Variants in SHQ1 observed in about 807,000 individuals in gnomAD.
SHQ1 encodes protein SHQ1 homolog.
A neutral mutation model predicts 53.8 loss-of-function variants in SHQ1; 49 were observed. The observed-to-expected ratio is 0.91, with a 90% confidence interval of 0.72 to 1.16. The LOEUF (loss-of-function observed/expected upper bound fraction) is 1.16, where lower values mean the gene tolerates loss of function less well. SHQ1 is among the 50% of genes most tolerant of loss of function. SHQ1 has a pLI of 0.00. For missense variants in SHQ1, 738 were observed against 683.1 expected (o/e 1.08, Z -0.90); for synonymous variants, 243 against 251.0 (o/e 0.97, Z 0.30).
intron 6 of SHQ1, among the ~76,000 whole-genome samples, chr3:72,817,724 T>C (rs1347397384): frequency 6.6e-6 from 1 of 152,162 alleles, no homozygotes. Context: ...CAACAGAAAG[T>C]GCTAAATAAA....
In SHQ1 at chr3:72,825,149, G is replaced by A. The variant is rs144320312; in HGVS notation, c.600-598C>T. ...GTACATAGAAGACTGGTCCTACCCT[G>A]AAGTCCCATCCCATATTCGATGATG... On this transcript the variant is annotated intron_variant, in intron 5 of 10. Transcript: ENST00000325599. Among the ~76,000 whole-genome samples, 18 of 152,106 alleles carry A rather than the reference G, an allele frequency of 1.2e-4. 1 individual carries two copies. The highest frequency in any genetic ancestry group is 3.3e-4 in the Admixed American group (5 of 15,272).
At chr3:72,777,141 A>G (rs1004460261) in intron 10 of SHQ1, among the ~76,000 whole-genome samples, 1 of 152,222 alleles carries the variant, frequency 6.6e-6, no homozygotes, top group Admixed American at 6.6e-5. Flanking sequence ...TAACATCCAA[A>G]TCATAAAAAC....
the SHQ1 span, among the ~76,000 whole-genome samples, chr3:72,739,838 T>A: frequency 2.6e-5 from 4 of 152,172 alleles, no homozygotes; most frequent in African/African-American, 4.8e-5. Context: ...AGCCCCACAG[T>A]GCAGTGTAAG....
At chr3:72,810,420 C>T (rs1464812846) in intron 9 of SHQ1, among the ~76,000 whole-genome samples, 2 of 152,172 alleles carry the variant, frequency 1.3e-5, no homozygotes, top group Non-Finnish European at 2.9e-5. Context: ...TCTTTGAAAA[C>T]TCAGATCTTA....
intron 10 of SHQ1, among the ~76,000 whole-genome samples, chr3:72,785,692 T>C (rs1706210810): frequency 6.6e-6 from 1 of 152,154 alleles, no homozygotes. Context: ...AACAAGAAAA[T>C]TTGTTCACCA....
Position 72,768,244 on chromosome 3 carries a change from A to T in SHQ1, c.1182-17408T>A, listed in dbSNP as rs536756809. 2.6e-5 allele frequency among the ~76,000 whole-genome samples: 4 copies of T among 152,320 alleles called. No individual in the cohort carries two copies. In the East Asian group the frequency reaches 5.8e-4, roughly 22 times the overall value. ...TCGCTGACCCTGCTGCAGGCAGAGA[A>T]GAGCTGCCTCTGCTAGCTTTGATTT... On this transcript the variant is annotated intron_variant, in intron 10 of 10. Transcript: ENST00000325599.
intron 7 of SHQ1, among the ~76,000 whole-genome samples, chr3:72,816,121 G>A (rs1707308996): frequency 6.6e-6 from 1 of 152,010 alleles, no homozygotes; most frequent in Non-Finnish European, 1.5e-5. Context: ...AATGTCAAGA[G>A]GCACCCTAGA....
At chr3:72,796,804 A>C (rs1049691678) in intron 9 of SHQ1, among the ~76,000 whole-genome samples, 2 of 152,078 alleles carry the variant, frequency 1.3e-5, no homozygotes, top group Admixed American at 1.3e-4. Flanking sequence ...TGAGCAACAG[A>C]GTGAGACTCT....
intron 10 of SHQ1, among the ~76,000 whole-genome samples, chr3:72,759,246 A>G (rs1705562624): frequency 6.6e-6 from 1 of 152,240 alleles, no homozygotes; most frequent in African/African-American, 2.4e-5. Flanking sequence ...TTGGAGGGAC[A>G]TCACAGGGCA....
At chr3:72,745,872 T>C, downstream of SHQ1, among the ~76,000 whole-genome samples, 1 of 148,198 alleles carries the variant, frequency 6.7e-6, no homozygotes, top group Non-Finnish European at 1.5e-5. Flanking sequence ...AGACAGAGCC[T>C]CACTCTGTCG....
the SHQ1 span, among the ~76,000 whole-genome samples, chr3:72,742,716 A>C: frequency 6.8e-6 from 1 of 146,956 alleles, no homozygotes; most frequent in African/African-American, 2.5e-5. Flanking sequence ...TCCCAACTTC[A>C]AGCGTTCAAG....
At chr3:72,819,142 A>C (rs1707404302) in intron 6 of SHQ1, among the ~76,000 whole-genome samples, 1 of 152,240 alleles carries the variant, frequency 6.6e-6, no homozygotes, top group Non-Finnish European at 1.5e-5. Flanking sequence ...TTATGCAGCA[A>C]GAGAAAACTA....
chr3:72,742,311 T>C, the SHQ1 span, among the ~76,000 whole-genome samples: 5 of 152,000 alleles, frequency 3.3e-5, no homozygotes, highest in Non-Finnish European at 5.9e-5. Context: ...TAGGCATCCA[T>C]GCTTAGCAAA....
At chr3:72,785,575 C>G (rs1706207254) in intron 10 of SHQ1, among the ~76,000 whole-genome samples, 3 of 152,230 alleles carry the variant, frequency 2.0e-5, no homozygotes, top group Non-Finnish European at 4.4e-5. Flanking sequence ...GAAATGTTAA[C>G]AGTAGACCCT....
chr3:72,782,868 G>A (rs954704480), intron 10 of SHQ1, among the ~76,000 whole-genome samples: 2 of 152,168 alleles, frequency 1.3e-5, no homozygotes, highest in Non-Finnish European at 2.9e-5. Context: ...CCTTTTCTCT[G>A]AATAAGATGT....
intron 9 of SHQ1, among the ~76,000 whole-genome samples, chr3:72,802,586 G>A (rs1575705471): frequency 6.6e-6 from 1 of 152,122 alleles, no homozygotes. Flanking sequence ...CTTGGACATG[G>A]AACTCTTTTA....
At position 72,773,017 on chromosome 3, in the gene SHQ1, C is replaced by T. The variant is rs1424049155; in HGVS notation, c.1181+19899G>A. ...TCAAAGTTCCAAATCTGAAGAACAT[C>T]ATCTGTACTCTAATCCAATCAAAGA... On this transcript the variant is annotated intron_variant, in intron 10 of 10. Transcript: ENST00000325599. 7 of 1,110,564 alleles carry T rather than the reference C, an allele frequency of 6.3e-6. No individual in the cohort carries two copies. In the East Asian group the frequency reaches 1.7e-4, roughly 27 times the overall value. 68.8% of individuals were successfully genotyped at this position (1,110,564 alleles called of 1,614,324 possible). A position where few individuals can be genotyped will look rare whatever the true frequency, so the allele number is the denominator to read the frequency against.
chr3:72,760,161 C>T (rs77608863), intron 10 of SHQ1, among the ~76,000 whole-genome samples: 1,899 of 152,292 alleles, frequency 0.012, 33 homozygotes, highest in Non-Finnish European at 0.018. Context: ...CCAATGTTTT[C>T]GTGAAATCCT....
chr3:72,794,297 A>G (rs553169463), intron 9 of SHQ1: 5 of 152,336 alleles, frequency 3.3e-5, no homozygotes, highest in East Asian at 3.9e-4. Context: ...ATTTTTTAAC[A>G]TAATTAACAC....
Sources: allele counts gnomAD v4.1 joint callset (sites outside exome capture counted in the v4.1 genomes callset), GRCh38; gene constraint gnomAD v4.1.1; transcripts MANE v1.5; gene names NCBI Gene and HGNC (gene_info 2026-07-23, HGNC 2026-07-21).